TRIM14: variants seen among roughly 807,000 people sequenced by gnomAD.
TRIM14 encodes tripartite motif containing 14.
Under a neutral mutation model 44.5 loss-of-function variants are expected in TRIM14, and 28 were observed. The observed-to-expected ratio is 0.63, with a 90% CI of 0.47 to 0.86. TRIM14 has a LOEUF of 0.86. TRIM14 is among the 40% of genes least tolerant of loss of function. The pLI, the probability that TRIM14 is intolerant of heterozygous loss-of-function variation, is 0.00. For missense variants in TRIM14, 607 were observed against 611.1 expected (o/e 0.99, Z 0.07); for synonymous variants, 299 against 269.2 (o/e 1.11, Z -1.08).
At chr9:98,065,618 C>T (rs572314418), downstream of TRIM14, among the ~76,000 whole-genome samples, 47 of 149,680 alleles carry the variant, frequency 3.1e-4, no homozygotes, top group Middle Eastern at 3.4e-3. Context: ...GGATTACAGG[C>T]GTAAGCCTCT....
At chr9:98,051,070 G>A in the TRIM14 span, among the ~76,000 whole-genome samples, 1 of 152,064 alleles carries the variant, frequency 6.6e-6, no homozygotes, top group African/African-American at 2.4e-5. Context: ...CACCACACCC[G>A]GCATGGTTGC....
At chr9:98,102,832 A>G (rs1244145449) in intron 2 of TRIM14, among the ~76,000 whole-genome samples, 2 of 152,156 alleles carry the variant, frequency 1.3e-5, no homozygotes, top group Non-Finnish European at 2.9e-5. Flanking sequence ...AAAATGGCAA[A>G]TTTTATGTTA....
At chr9:98,040,930 C>T in the TRIM14 span, among the ~76,000 whole-genome samples, 4 of 152,134 alleles carry the variant, frequency 2.6e-5, no homozygotes, top group African/African-American at 7.2e-5. Context: ...GTTGGGATTA[C>T]AGGCGTGAGC....
chr9:98,119,182 C>T lies in TRIM14; in HGVS notation c.7G>A (p.Gly3Ser). The T allele has an allele frequency of 6.4e-7, 1 of 1,574,098 alleles. No homozygotes were observed. Among genetic ancestry groups the T allele is most frequent in the Non-Finnish European group, 8.5e-7 (1 of 1,170,434 alleles). Residue 3 changes from glycine to serine, a missense_variant, in exon 1 of 6, where the codon GGC becomes AGC. By Grantham distance (56) the Gly-to-Ser change is moderately conservative. Around this residue, in one of 3 missense-constraint regions of TRIM14, gnomAD observed 246 missense variants for 270.8 expected, o/e 0.91. Transcript: ENST00000341469. ...GGGGTCCGGCTCCCGGTCGCCGCGC[C>T]CGCCATTCATCTCCACCTCCTCCGG... MA[G>S]AATGSRTPGR...
chr9:98,095,535 T>A lies in TRIM14; in HGVS notation c.538-506A>T, dbSNP rs1317423457. ...ACGCCAAAGGCCAGCAAGGTTCAGCTGCAGTGCTGACTGAGGGGGTGTGGC... is the reference window on the plus strand; with the variant it reads ...ACGCCAAAGGCCAGCAAGGTTCAGCAGCAGTGCTGACTGAGGGGGTGTGGC... On this transcript the variant is annotated intron_variant, in intron 3 of 5. Coordinates refer to ENST00000341469, the MANE Select transcript of TRIM14 (RefSeq NM_014788.4). The surrounding 1 kb of genome is among the most constrained non-coding windows in gnomAD (Gnocchi z 4.1). Among the ~76,000 whole-genome samples, 1 of 152,206 alleles carries A rather than the reference T, an allele frequency of 6.6e-6. No homozygotes were observed. Among genetic ancestry groups the A allele is most frequent in the African/African-American group, 2.4e-5 (1 of 41,454 alleles).
At chr9:98,063,092 T>C in the TRIM14 span, among the ~76,000 whole-genome samples, 3 of 150,352 alleles carry the variant, frequency 2.0e-5, no homozygotes, top group Admixed American at 6.6e-5. Context: ...GCCTGGCTGA[T>C]TTTTTTTGTA....
At chr9:98,075,340 C>CAG (rs3983618) in intron 6 of TRIM14, 90,280 of 148,618 alleles carry the variant, frequency 0.61, 29,965 homozygotes, top group African/African-American at 0.88. Flanking sequence ...AAAAATAAAG[C>CAG]AGAGGAAGAG....
intron 1 of TRIM14, among the ~76,000 whole-genome samples, chr9:98,115,557 T>C (rs1028882855): frequency 6.6e-6 from 1 of 152,106 alleles, no homozygotes; most frequent in Non-Finnish European, 1.5e-5. Flanking sequence ...ACAATTTTTG[T>C]ATTTTTAGTA....
chr9:98,102,834 T>G (rs1217185557), intron 2 of TRIM14, among the ~76,000 whole-genome samples: 1 of 152,104 alleles, frequency 6.6e-6, no homozygotes, highest in African/African-American at 2.4e-5. Flanking sequence ...AATGGCAAAT[T>G]TTATGTTATG....
At chr9:98,057,517 C>T in the TRIM14 span, among the ~76,000 whole-genome samples, 1 of 152,172 alleles carries the variant, frequency 6.6e-6, no homozygotes, top group African/African-American at 2.4e-5. Flanking sequence ...CTTACTTAGC[C>T]TCCGTGAACC....
chr9:98,073,150 G>C (rs1036293951), intron 6 of TRIM14, among the ~76,000 whole-genome samples: 1 of 151,826 alleles, frequency 6.6e-6, no homozygotes, highest in African/African-American at 2.4e-5. Flanking sequence ...CTTCCCTCCA[G>C]CACCTGCCTC....
the TRIM14 span, among the ~76,000 whole-genome samples, chr9:98,042,413 AT>A: frequency 1.3e-5 from 2 of 151,854 alleles, no homozygotes; most frequent in African/African-American, 4.8e-5. Context: ...TCAAGCATTT[AT>A]TCCATTACAT....
At chr9:98,114,619 G>T (rs1826981285) in intron 1 of TRIM14, among the ~76,000 whole-genome samples, 1 of 152,172 alleles carries the variant, frequency 6.6e-6, no homozygotes, top group South Asian at 2.1e-4. Flanking sequence ...ACCGCACCCA[G>T]CCGACAATTT....
chr9:98,072,781 T>C (rs762856992), intron 6 of TRIM14, among the ~76,000 whole-genome samples: 1 of 152,174 alleles, frequency 6.6e-6, no homozygotes, highest in Non-Finnish European at 1.5e-5. Flanking sequence ...TGGAGGTAGA[T>C]TGGTTCCTTG....
At chr9:98,116,956 A>G (rs1444658436) in intron 1 of TRIM14, among the ~76,000 whole-genome samples, 1 of 152,176 alleles carries the variant, frequency 6.6e-6, no homozygotes, top group Non-Finnish European at 1.5e-5. Flanking sequence ...AATTTGTCCT[A>G]TCAAGACTCA....
intron 6 of TRIM14, among the ~76,000 whole-genome samples, chr9:98,069,940 T>G (rs1210807580): frequency 6.6e-6 from 1 of 152,176 alleles, no homozygotes; most frequent in East Asian, 1.9e-4. Flanking sequence ...ATTGGTTGAC[T>G]TTGTCAATGT....
the TRIM14 span, among the ~76,000 whole-genome samples, chr9:98,041,119 T>C: frequency 6.6e-6 from 1 of 152,012 alleles, no homozygotes; most frequent in Non-Finnish European, 1.5e-5. Context: ...TAGTATAGTA[T>C]TTAGGGGAAC....
At chr9:98,078,233 C>T (rs1829680585) in intron 6 of TRIM14, 1 of 1,614,028 alleles carries the variant, frequency 6.2e-7, no homozygotes, top group Non-Finnish European at 8.5e-7. Context: ...AGTCAATGGA[C>T]ACCATGAAGC....
chr9:98,082,716 G>C, downstream of TRIM14: 1 of 735,728 alleles, frequency 1.4e-6, no homozygotes, highest in Non-Finnish European at 2.3e-6. Context: ...GAGCAGTGTA[G>C]GGGGCAACAG....
Sources: allele counts gnomAD v4.1 joint callset (sites outside exome capture counted in the v4.1 genomes callset), GRCh38; gene constraint gnomAD v4.1.1; regional missense constraint gnomAD v4.1.1; non-coding constraint Gnocchi (gnomAD v3.1); transcripts MANE v1.5; gene names NCBI Gene and HGNC (gene_info 2026-07-23, HGNC 2026-07-21).